Variants in AOPEP observed in about 807,000 individuals in gnomAD.
The protein encoded by AOPEP is aminopeptidase O (putative).
AOPEP carries 77 observed loss-of-function variants against 98.1 expected under a neutral mutation model. The observed-to-expected ratio is 0.78, with a 90% confidence interval of 0.65 to 0.95. AOPEP has a LOEUF of 0.95. Among genes scored for constraint, AOPEP ranks in the 40% least tolerant of loss-of-function variants. AOPEP has a pLI of 0.00. For missense variants in AOPEP, 1,024 were observed against 1,024.7 expected, an observed-to-expected ratio of 1.00 and a Z score of 0.01; for synonymous variants, 346 against 365.3, an observed-to-expected ratio of 0.95 and a Z score of 0.60.
rs1405851973 is a variant in AOPEP, at chr9:94,972,594, A to C, written c.1916+4793A>C. Among the ~76,000 whole-genome samples the C allele has an allele frequency of 6.6e-6, 1 of 152,146 alleles. No individual in the cohort carries two copies. The highest frequency in any genetic ancestry group is 1.9e-4 in the East Asian group (1 of 5,196). On this transcript the variant is annotated intron_variant, in intron 10 of 16. Transcript: ENST00000375315. The surrounding 1 kb of genome is among the most constrained non-coding windows in gnomAD (Gnocchi z 4.2). Reference sequence around the variant, plus strand: ...ACACAGTACTTGTTTTATAAGTGTGACCTCAGCAATCTTTATTATCTACCC... The same window carrying C: ...ACACAGTACTTGTTTTATAAGTGTGCCCTCAGCAATCTTTATTATCTACCC...
chr9:95,093,118 G>GT, the AOPEP span, among the ~76,000 whole-genome samples: 1 of 152,194 alleles, frequency 6.6e-6, no homozygotes, highest in Non-Finnish European at 1.5e-5. Flanking sequence ...AGGAGCTATA[G>GT]TTTGATGATT....
chr9:94,827,998 A>T (rs1855018955), intron 5 of AOPEP, among the ~76,000 whole-genome samples: 1 of 152,254 alleles, frequency 6.6e-6, no homozygotes, highest in Non-Finnish European at 1.5e-5. Flanking sequence ...AGATGAGAAC[A>T]GAGAAAAAAA....
intron 5 of AOPEP, among the ~76,000 whole-genome samples, chr9:94,864,010 A>G (rs1328607081): frequency 6.6e-6 from 1 of 152,188 alleles, no homozygotes; most frequent in African/African-American, 2.4e-5. Flanking sequence ...GGGGGTACTG[A>G]GGAAGAAGGG....
chr9:94,957,931 C>G (rs2058576522), intron 9 of AOPEP, among the ~76,000 whole-genome samples: 1 of 151,992 alleles, frequency 6.6e-6, no homozygotes, highest in Non-Finnish European at 1.5e-5. Context: ...AAAAATTTAC[C>G]ATTTTAGCCA....
chr9:95,095,732 C>CT, the AOPEP span, among the ~76,000 whole-genome samples: 4 of 152,132 alleles, frequency 2.6e-5, no homozygotes, highest in Admixed American at 2.6e-4. Context: ...CAGGGATGCG[C>CT]TGGAGCCTTG....
At chr9:95,111,108 G>A in the AOPEP span, 40 of 1,523,564 alleles carry the variant, frequency 2.6e-5, no homozygotes, top group South Asian at 3.2e-4. Flanking sequence ...CTCTGCTGCC[G>A]GCACACCCCT....
intron 5 of AOPEP, among the ~76,000 whole-genome samples, chr9:94,820,863 A>C (rs972578569): frequency 6.6e-6 from 1 of 152,358 alleles, no homozygotes; most frequent in Non-Finnish European, 1.5e-5. Context: ...AAGAAAAAGA[A>C]GTCTCTCGCC....
Position 94,866,260 on chromosome 9 carries a change from C to T in AOPEP, c.1365-57726C>T, listed in dbSNP as rs536487286. 4.6e-5 allele frequency among the ~76,000 whole-genome samples: 7 copies of T among 152,224 alleles called. No homozygotes were observed. The East Asian group carries it at 7.7e-4, about 17-fold the overall frequency. On this transcript the variant is annotated intron_variant, in intron 5 of 16. Coordinates refer to ENST00000375315, the MANE Select transcript of AOPEP (RefSeq NM_001193329.3). Reference sequence around the variant, plus strand: ...AGAATCATTTAAATAAGCTCACCAGCGTGTTTTATTTTGTGAAATGTGGGG... The same window carrying T: ...AGAATCATTTAAATAAGCTCACCAGTGTGTTTTATTTTGTGAAATGTGGGG...
rs867282200 is a variant in AOPEP at position 94,944,221 on chromosome 9, C to T, written c.1662-10956C>T. 1.3e-4 allele frequency among the ~76,000 whole-genome samples: 20 copies of T among 152,184 alleles called. No homozygotes were observed. In the Middle Eastern group the frequency reaches 0.01, roughly 78 times the overall value. ...CCTCAAAAGCTTAAGCATAGAGTGACCATATAACCCTGCAATTCCATTCCT... is the reference window on the plus strand; with the variant it reads ...CCTCAAAAGCTTAAGCATAGAGTGATCATATAACCCTGCAATTCCATTCCT... On this transcript the variant is annotated intron_variant, in intron 7 of 16. Transcript: ENST00000375315.
At chr9:95,004,224 A>G in intron 11 of AOPEP, 1 of 456,442 alleles carries the variant, frequency 2.2e-6, no homozygotes, top group Admixed American at 2.3e-5. Context: ...GCAACTGCTG[A>G]TGCGGATGAG....
chr9:94,746,780 A>G (rs1001149278), intron 1 of AOPEP, among the ~76,000 whole-genome samples: 4 of 152,234 alleles, frequency 2.6e-5, no homozygotes, highest in Admixed American at 1.3e-4. Flanking sequence ...GCCAGAGTTC[A>G]TCACATCACA....
chr9:95,060,060 A>G (rs2067195847), intron 13 of AOPEP, among the ~76,000 whole-genome samples: 2 of 152,146 alleles, frequency 1.3e-5, no homozygotes, highest in South Asian at 4.1e-4. Context: ...ACCACTTTTG[A>G]CCATTCCTGT....
Position 94,739,555 on chromosome 9 carries a change from G to A in AOPEP, c.-136+12804G>A, listed in dbSNP as rs372954727. ...AGCTACTTGGGAGGCTGAGGCAGGC[G>A]AATTGCTTGAACCGGGAGGTGGAAG... is the stretch of plus-strand genomic sequence containing the variant. On this transcript the variant is annotated intron_variant, in intron 1 of 16. Coordinates refer to ENST00000375315, the MANE Select transcript of AOPEP (RefSeq NM_001193329.3). Among the ~76,000 whole-genome samples, 13 of 151,466 alleles carry A rather than the reference G, an allele frequency of 8.6e-5. No individual in the cohort carries two copies. The East Asian group carries it at 2.5e-3, about 29-fold the overall frequency.
At chr9:95,032,930 T>A (rs1273531438) in intron 13 of AOPEP, among the ~76,000 whole-genome samples, 2 of 152,188 alleles carry the variant, frequency 1.3e-5, no homozygotes, top group African/African-American at 4.8e-5. Context: ...GGATAAGGAT[T>A]CTTCTGATAC....
At chr9:95,099,541 C>G in the AOPEP span, 186 of 230,220 alleles carry the variant, frequency 8.1e-4, no homozygotes, top group African/African-American at 3.9e-3. Flanking sequence ...AGAGTGCCTG[C>G]CCGGCCGCCA....
chr9:95,108,139 G>T, the AOPEP span, among the ~76,000 whole-genome samples: 1 of 151,972 alleles, frequency 6.6e-6, no homozygotes, highest in East Asian at 1.9e-4. Context: ...TGTGTGAGGC[G>T]TTTTTTTTCC....
chr9:94,804,608 A>G (rs1373039738), intron 5 of AOPEP, among the ~76,000 whole-genome samples: 1 of 152,194 alleles, frequency 6.6e-6, no homozygotes, highest in Non-Finnish European at 1.5e-5. Context: ...TATACCAGAT[A>G]ATCTTGATAA....
chr9:95,076,351 G>C (rs2069066766), intron 14 of AOPEP, among the ~76,000 whole-genome samples: 2 of 151,866 alleles, frequency 1.3e-5, no homozygotes, highest in African/African-American at 2.4e-5. Context: ...GTTGCACACA[G>C]ATACCTCAGG....
chr9:95,061,105 A>G (rs1226072533), intron 14 of AOPEP: 1 of 254,276 alleles, frequency 3.9e-6, no homozygotes, highest in South Asian at 6.0e-5. Context: ...CATTGTGCCC[A>G]CTGACGGTGG....
Sources: allele counts gnomAD v4.1 joint callset (sites outside exome capture counted in the v4.1 genomes callset), GRCh38; gene constraint gnomAD v4.1.1; non-coding constraint Gnocchi (gnomAD v3.1); transcripts MANE v1.5; gene names NCBI Gene and HGNC (gene_info 2026-07-23, HGNC 2026-07-21).